FRMD4A: variants seen among roughly 807,000 people sequenced by gnomAD.
FRMD4A encodes FERM domain containing 4A, also known as FERM domain-containing protein 4A.
Under a neutral mutation model 129.1 loss-of-function variants are expected in FRMD4A, and 29 were observed. The ratio of observed to expected loss-of-function variants is 0.22; its 90% CI spans 0.17 to 0.31. The LOEUF (loss-of-function observed/expected upper bound fraction) is 0.31. Ranked by LOEUF, FRMD4A falls within the 10% of genes least tolerant of loss-of-function variation. The pLI is 1.00. For synonymous variants in FRMD4A, 634 were observed against 571.6 expected, an observed-to-expected ratio of 1.11 and a Z score of -1.56; for missense variants, 1,272 against 1,375.8, an observed-to-expected ratio of 0.92 and a Z score of 1.19.
chr10:14,214,698 T>C (rs1171515887), intron 2 of FRMD4A, among the ~76,000 whole-genome samples: 2 of 152,230 alleles, frequency 1.3e-5, no homozygotes, highest in Admixed American at 6.5e-5. Flanking sequence ...TTTCTATAGA[T>C]AATCTTGTGT....
At chr10:14,173,838 C>T (rs1331405314) in intron 2 of FRMD4A, among the ~76,000 whole-genome samples, 1 of 152,098 alleles carries the variant, frequency 6.6e-6, no homozygotes, top group Non-Finnish European at 1.5e-5. Flanking sequence ...TCTGCTCTCC[C>T]CTTCCCCTCA....
chr10:14,288,581 ATTAAT>A (rs774213370), intron 2 of FRMD4A, among the ~76,000 whole-genome samples: 1 of 152,214 alleles, frequency 6.6e-6, no homozygotes, highest in Non-Finnish European at 1.5e-5. Context: ...TTTAAAAAAT[ATTAAT>A]TTATTTTTAA....
At chr10:13,825,315 G>C (rs2093685919) in intron 3 of FRMD4A, among the ~76,000 whole-genome samples, 1 of 152,130 alleles carries the variant, frequency 6.6e-6, no homozygotes, top group African/African-American at 2.4e-5. Flanking sequence ...CTAAAGGTGG[G>C]GAGCGTCAAC....
intron 2 of FRMD4A, among the ~76,000 whole-genome samples, chr10:13,865,317 T>C (rs2094350798): frequency 1.3e-5 from 2 of 152,208 alleles, no homozygotes; most frequent in Non-Finnish European, 1.5e-5. Flanking sequence ...ATCAGTTGTA[T>C]GGTTTTGGAA....
chr10:13,845,863 C>T (rs190450685), intron 3 of FRMD4A, among the ~76,000 whole-genome samples: 151 of 152,332 alleles, frequency 9.9e-4, no homozygotes, highest in African/African-American at 3.6e-3. Flanking sequence ...TGTCAAGCAT[C>T]AGAGTCAGGT....
intron 8 of FRMD4A, among the ~76,000 whole-genome samples, chr10:13,751,541 C>T (rs1447119377): frequency 6.6e-6 from 1 of 152,234 alleles, no homozygotes; most frequent in Non-Finnish European, 1.5e-5. Context: ...GAAACTTGGT[C>T]ACTCTACCCC....
At chr10:14,024,944 G>A (rs951222034) in intron 2 of FRMD4A, among the ~76,000 whole-genome samples, 1 of 152,246 alleles carries the variant, frequency 6.6e-6, no homozygotes, top group African/African-American at 2.4e-5. Context: ...GGGGCAGTGG[G>A]TCCCACAGAA....
chr10:14,024,919 G>A (rs1365396038), intron 2 of FRMD4A, among the ~76,000 whole-genome samples: 2 of 152,254 alleles, frequency 1.3e-5, no homozygotes, highest in Non-Finnish European at 2.9e-5. Context: ...ACACACTGGA[G>A]TGTATTGTCG....
At chr10:14,219,877 C>G (rs936229371) in intron 2 of FRMD4A, among the ~76,000 whole-genome samples, 1 of 152,160 alleles carries the variant, frequency 6.6e-6, no homozygotes, top group Non-Finnish European at 1.5e-5. Context: ...CTAGTCCTGC[C>G]TGAAACCCTG....
chr10:14,108,383 G>T (rs574647386), intron 2 of FRMD4A, among the ~76,000 whole-genome samples: 4 of 152,306 alleles, frequency 2.6e-5, no homozygotes, highest in East Asian at 1.9e-4. Context: ...CTGTCTGAAG[G>T]TTCTAGAAAT....
At chr10:14,152,543 A>G (rs189031481) in intron 2 of FRMD4A, among the ~76,000 whole-genome samples, 232 of 152,334 alleles carry the variant, frequency 1.5e-3, no homozygotes, top group Middle Eastern at 3.4e-3. Flanking sequence ...ATGGGGAACC[A>G]ATAATGTCCT....
In FRMD4A at chr10:14,285,948, A is replaced by G. The variant is rs186129431; in HGVS notation, c.45+44110T>C. On this transcript the variant is annotated intron_variant, in intron 2 of 24. Coordinates refer to ENST00000357447, the MANE Select transcript of FRMD4A (RefSeq NM_018027.5). ...CACTCTTCTGCTACCCATTTAGTCA[A>G]AAACGCAAGATGGCGGATCCAAAAA... is the stretch of plus-strand genomic sequence containing the variant. 5.9e-5 allele frequency among the ~76,000 whole-genome samples: 9 copies of G among 152,324 alleles called. No individual in the cohort carries two copies. In the East Asian group the frequency reaches 1.2e-3, roughly 20 times the overall value.
intron 2 of FRMD4A, among the ~76,000 whole-genome samples, chr10:14,086,868 C>T (rs1000691238): frequency 3.3e-5 from 5 of 152,264 alleles, no homozygotes; most frequent in African/African-American, 1.2e-4. Flanking sequence ...GTTGGAGAAA[C>T]GATTTTGCTG....
intron 2 of FRMD4A, among the ~76,000 whole-genome samples, chr10:13,946,838 C>G (rs1170778050): frequency 6.6e-6 from 1 of 152,172 alleles, no homozygotes; most frequent in Admixed American, 6.5e-5. Context: ...CTGTCCTATA[C>G]CTGGCTGAGT....
At chr10:14,152,205 G>A (rs907855329) in intron 2 of FRMD4A, among the ~76,000 whole-genome samples, 2 of 126,018 alleles carry the variant, frequency 1.6e-5, no homozygotes, top group Admixed American at 1.1e-4. Flanking sequence ...TTGGTTCACT[G>A]CAAGCTCCAC....
Position 13,928,906 on chromosome 10 carries a change from C to G in FRMD4A, c.46-69994G>C, listed in dbSNP as rs554962239. ...AGAGTAATGAGAAGGAGGAGGCCTC[C>G]TTGAAATAATGTCACATGGAATTCT... On this transcript the variant is annotated intron_variant, in intron 2 of 24. Transcript: ENST00000357447. Among the ~76,000 whole-genome samples, 112 of 152,156 alleles carry G rather than the reference C, an allele frequency of 7.4e-4. 1 individual carries two copies. The highest frequency in any genetic ancestry group is 1.4e-3 in the Non-Finnish European group (97 of 68,016).
At chr10:14,097,161 A>G (rs1003060214) in intron 2 of FRMD4A, 6 of 111,410 alleles carry the variant, frequency 5.4e-5, no homozygotes, top group African/African-American at 2.0e-4. Context: ...AAAAAAAAAA[A>G]AAAAAAGAAA....
intron 2 of FRMD4A, among the ~76,000 whole-genome samples, chr10:14,316,422 T>C (rs1475649578): frequency 1.3e-5 from 2 of 151,320 alleles, no homozygotes; most frequent in Non-Finnish European, 2.9e-5. Flanking sequence ...TTCCTCGATC[T>C]TGGATTTCTC....
chr10:14,150,196 G>T (rs111505527), intron 2 of FRMD4A, among the ~76,000 whole-genome samples: 1 of 152,100 alleles, frequency 6.6e-6, no homozygotes, highest in African/African-American at 2.4e-5. Flanking sequence ...TTCAGTATGA[G>T]ATTTGGGTGG....
Sources: gnomAD v4.1 joint callset for allele counts (sites outside exome capture counted in the v4.1 genomes callset) on GRCh38, gnomAD v4.1.1 for gene constraint, MANE v1.5 for transcripts, NCBI Gene and HGNC (gene_info 2026-07-23, HGNC 2026-07-21) for gene names.